Variants in TANC1 observed in about 807,000 individuals in gnomAD.
The protein encoded by TANC1 is protein TANC1.
A neutral mutation model predicts 149.7 loss-of-function variants in TANC1; 77 were observed. That is an observed-to-expected ratio of 0.51 (90% CI 0.43 to 0.62). The LOEUF is 0.62. Among genes scored for constraint, TANC1 ranks in the 20% least tolerant of loss-of-function variants. The pLI is 0.00. For synonymous variants in TANC1, 854 were observed against 925.0 expected (o/e 0.92, Z 1.39); for missense variants, 1,985 against 2,321.8 (o/e 0.85, Z 2.98).
chr2:159,197,181 C>T (rs919800008), intron 18 of TANC1, among the ~76,000 whole-genome samples: 1 of 152,082 alleles, frequency 6.6e-6, no homozygotes, highest in Non-Finnish European at 1.5e-5. Context: ...AAAATCGTTC[C>T]TGAGTATTTG....
chr2:159,052,994 A>G (rs1293101961), intron 2 of TANC1, among the ~76,000 whole-genome samples: 1 of 152,226 alleles, frequency 6.6e-6, no homozygotes, highest in East Asian at 1.9e-4. Context: ...AAAATCATTC[A>G]AAAACACTCT....
chr2:159,142,355 G>A (rs1395339021), intron 5 of TANC1, among the ~76,000 whole-genome samples: 2 of 152,218 alleles, frequency 1.3e-5, no homozygotes, highest in South Asian at 4.1e-4. Flanking sequence ...TGCTGCAAAA[G>A]CAATTGTTGG....
intron 1 of TANC1, among the ~76,000 whole-genome samples, chr2:158,990,720 G>A (rs960103148): frequency 2.0e-5 from 3 of 152,120 alleles, no homozygotes; most frequent in Admixed American, 2.0e-4. Flanking sequence ...TAGGAAATGA[G>A]CCTAGAGAGC....
chr2:159,158,637 A>G (rs531508150), intron 7 of TANC1, among the ~76,000 whole-genome samples: 5 of 152,344 alleles, frequency 3.3e-5, no homozygotes, highest in South Asian at 2.1e-4. Flanking sequence ...CCATGAAGGT[A>G]TGAGTTGGGG....
chr2:159,007,138 G>GTTTTTTTTTTT (rs70994252), intron 2 of TANC1, among the ~76,000 whole-genome samples: 2 of 69,516 alleles, frequency 2.9e-5, no homozygotes, highest in Non-Finnish European at 5.2e-5. Context: ...CTTTAATACT[G>GTTTTTTTTTTT]TTTTTTTTTT....
chr2:158,989,270 A>T (rs2035356307), intron 1 of TANC1, among the ~76,000 whole-genome samples: 1 of 151,936 alleles, frequency 6.6e-6, no homozygotes, highest in Non-Finnish European at 1.5e-5. Context: ...GTACTTTGGG[A>T]TCTCACCTGG....
At chr2:159,192,539 A>C (rs2057523226) in intron 16 of TANC1, among the ~76,000 whole-genome samples, 1 of 152,212 alleles carries the variant, frequency 6.6e-6, no homozygotes, top group African/African-American at 2.4e-5. Flanking sequence ...CCAAACCAAG[A>C]GTGTCAATAT....
intron 7 of TANC1, among the ~76,000 whole-genome samples, chr2:159,160,552 G>T (rs1325854756): frequency 6.6e-6 from 1 of 152,198 alleles, no homozygotes; most frequent in African/African-American, 2.4e-5. Context: ...AGGTTATGCA[G>T]GGAAGCCAGA....
chr2:159,226,323 T>C (rs2060025349), intron 24 of TANC1: 1 of 161,650 alleles, frequency 6.2e-6, no homozygotes, highest in African/African-American at 2.4e-5. Flanking sequence ...GTTGTAGTGG[T>C]GACTTCCTGT....
At chr2:159,111,118 A>G (rs761558648) in intron 4 of TANC1, among the ~76,000 whole-genome samples, 1 of 152,258 alleles carries the variant, frequency 6.6e-6, no homozygotes, top group Non-Finnish European at 1.5e-5. Flanking sequence ...TAAGAAAGCA[A>G]TGGTTCTTGG....
chr2:159,011,076 T>C (rs2037708257), intron 2 of TANC1, among the ~76,000 whole-genome samples: 1 of 152,150 alleles, frequency 6.6e-6, no homozygotes, highest in African/African-American at 2.4e-5. Context: ...ACTCTATAAA[T>C]CACACCTATG....
chr2:159,077,888 G>A (rs1246618789), intron 3 of TANC1, among the ~76,000 whole-genome samples: 2 of 152,118 alleles, frequency 1.3e-5, no homozygotes, highest in African/African-American at 4.8e-5. Context: ...TTGTCCCTTT[G>A]AAAGGTGGTA....
At chr2:159,196,875 A>G in intron 18 of TANC1, 82 bp downstream of exon 18, 3 of 1,343,252 alleles carry the variant, frequency 2.2e-6, no homozygotes, top group South Asian at 1.3e-5. Context: ...GGACCGAAAG[A>G]AGGAGGATGC....
intron 2 of TANC1, among the ~76,000 whole-genome samples, chr2:159,047,120 C>T (rs1355939632): frequency 6.6e-6 from 1 of 151,896 alleles, no homozygotes; most frequent in Non-Finnish European, 1.5e-5. Flanking sequence ...CTTAGACAAT[C>T]TTTTGGACAT....
intron 3 of TANC1, among the ~76,000 whole-genome samples, chr2:159,074,593 T>G (rs1435509269): frequency 6.6e-6 from 1 of 152,198 alleles, no homozygotes; most frequent in African/African-American, 2.4e-5. Flanking sequence ...ATTGTTTCTT[T>G]GTGAGGGCTT....
chr2:159,137,826 C>T (rs2050924574), intron 5 of TANC1, among the ~76,000 whole-genome samples: 1 of 152,234 alleles, frequency 6.6e-6, no homozygotes, highest in Non-Finnish European at 1.5e-5. Context: ...GGCATTTTGG[C>T]TGGCCTAGGC....
At chr2:158,999,382 C>T (rs1302661914) in intron 1 of TANC1, among the ~76,000 whole-genome samples, 1 of 152,194 alleles carries the variant, frequency 6.6e-6, no homozygotes, top group South Asian at 2.1e-4. Flanking sequence ...ATTTCCTTTT[C>T]TTCCCTTGCT....
Position 159,231,089 on chromosome 2 carries a change from C to A in TANC1, c.*77C>A. Reference sequence around the variant, plus strand: ...TGGTAAATTAAATAGTTTTTTTCATCAGAAAAATTATTTTTTAGCCATTTT... The same window carrying A: ...TGGTAAATTAAATAGTTTTTTTCATAAGAAAAATTATTTTTTAGCCATTTT... On this transcript the variant is annotated 3_prime_UTR_variant, in exon 27 of 27. Coordinates refer to ENST00000263635, the MANE Select transcript of TANC1 (RefSeq NM_033394.3). 3 of 1,224,004 alleles carry A rather than the reference C, an allele frequency of 2.5e-6. No homozygotes were observed. The highest frequency in any genetic ancestry group is 3.4e-6 in the Non-Finnish European group (3 of 888,236). 75.8% of individuals were successfully genotyped at this position (1,224,004 alleles called of 1,614,324 possible). A position where few individuals can be genotyped will look rare whatever the true frequency, so the allele number is the denominator to read the frequency against.
intron 3 of TANC1, among the ~76,000 whole-genome samples, chr2:159,076,874 G>A (rs527615494): frequency 6.6e-6 from 1 of 152,004 alleles, no homozygotes; most frequent in African/African-American, 2.4e-5. Context: ...ATCTCACACC[G>A]AGTAAACATA....
Sources: gnomAD v4.1 joint callset for allele counts (sites outside exome capture counted in the v4.1 genomes callset) on GRCh38, gnomAD v4.1.1 for gene constraint, MANE v1.5 for transcripts, NCBI Gene and HGNC (gene_info 2026-07-23, HGNC 2026-07-21) for gene names.